PTK2B: variants seen among roughly 807,000 people sequenced by gnomAD.
PTK2B encodes the protein protein tyrosine kinase 2 beta, also known as protein-tyrosine kinase 2-beta.
Under a neutral mutation model 142.9 loss-of-function variants are expected in PTK2B, and 71 were observed. That is an observed-to-expected ratio of 0.50 (90% CI 0.41 to 0.61). The LOEUF (loss-of-function observed/expected upper bound fraction) is 0.61. Ranked by LOEUF, PTK2B falls within the 20% of genes least tolerant of loss-of-function variation. The pLI is 0.00. For synonymous variants in PTK2B, 519 were observed against 503.4 expected, an observed-to-expected ratio of 1.03 and a Z score of -0.42; for missense variants, 1,105 against 1,320.4, an observed-to-expected ratio of 0.84 and a Z score of 2.53.
At position 27,363,344 on chromosome 8, in the gene PTK2B, G is replaced by A. The variant is rs1355842275; in HGVS notation, c.-37-34204G>A. ...TTCCACTAGTGAAAGGTCAGGAGGT[G>A]GAAGTGAGATGGGTTTTGTTCTGTG... is the stretch of plus-strand genomic sequence containing the variant. On this transcript the variant is annotated intron_variant, in intron 1 of 30. Transcript: ENST00000346049. The surrounding 1 kb of genome is among the most constrained non-coding windows in gnomAD (Gnocchi z 4.3). 2.0e-5 allele frequency among the ~76,000 whole-genome samples: 3 copies of A among 152,206 alleles called. No individual in the cohort carries two copies. Among genetic ancestry groups the A allele is most frequent in the Non-Finnish European group, 2.9e-5 (2 of 68,036 alleles).
At chr8:27,377,827 T>G (rs372284701) in intron 1 of PTK2B, among the ~76,000 whole-genome samples, 21 of 152,310 alleles carry the variant, frequency 1.4e-4, no homozygotes, top group African/African-American at 5.1e-4. Flanking sequence ...AGGTAAAGAT[T>G]AGGAGGTGTT....
At chr8:27,352,025 T>G (rs2130536690) in intron 1 of PTK2B, among the ~76,000 whole-genome samples, 1 of 152,288 alleles carries the variant, frequency 6.6e-6, no homozygotes, top group East Asian at 1.9e-4. Flanking sequence ...GGGCTTCACT[T>G]CCTCTGGGCA....
chr8:27,340,386 C>A (rs534861387), intron 1 of PTK2B, among the ~76,000 whole-genome samples: 7 of 152,290 alleles, frequency 4.6e-5, no homozygotes, highest in Middle Eastern at 3.4e-3. Context: ...GTTGAGAGCA[C>A]AGCATATGCA....
At chr8:27,422,864 T>G (rs1809849581) in intron 5 of PTK2B, among the ~76,000 whole-genome samples, 1 of 152,158 alleles carries the variant, frequency 6.6e-6, no homozygotes, top group African/African-American at 2.4e-5. Context: ...GTGACAGATG[T>G]GTATACAATT....
At chr8:27,404,081 C>G (rs950631560) in intron 2 of PTK2B, among the ~76,000 whole-genome samples, 3 of 152,006 alleles carry the variant, frequency 2.0e-5, no homozygotes, top group African/African-American at 7.3e-5. Context: ...CCACAGTGCC[C>G]CTGTCCTGCC....
intron 1 of PTK2B, among the ~76,000 whole-genome samples, chr8:27,376,458 A>G (rs1391596745): frequency 6.6e-6 from 1 of 152,232 alleles, no homozygotes; most frequent in Non-Finnish European, 1.5e-5. Flanking sequence ...TGTCAGAGGC[A>G]TGTGAACCAG....
chr8:27,317,371 A>C (rs1803116829), intron 3 of PTK2B, among the ~76,000 whole-genome samples: 1 of 152,218 alleles, frequency 6.6e-6, no homozygotes, highest in Admixed American at 6.5e-5. Context: ...AAAAGGGAGA[A>C]AATTTTCCAT....
chr8:27,419,448 A>G (rs1331159311), intron 2 of PTK2B, among the ~76,000 whole-genome samples: 1 of 152,208 alleles, frequency 6.6e-6, no homozygotes, highest in East Asian at 1.9e-4. Flanking sequence ...GGATGGTAAC[A>G]CCTGCTTCCC....
rs1216388241 is a variant in PTK2B, at chr8:27,363,399, A to T, written c.-37-34149A>T. Reference sequence around the variant, plus strand: ...TCCATGAGCAGGCCCAGGAAGTTACAGAAAAGTAGATTTGGGATGAATATA... The same window carrying T: ...TCCATGAGCAGGCCCAGGAAGTTACTGAAAAGTAGATTTGGGATGAATATA... On this transcript the variant is annotated intron_variant, in intron 1 of 30. Coordinates refer to ENST00000346049, the MANE Select transcript of PTK2B (RefSeq NM_173176.3). This position sits in a 1 kb window ranked among gnomAD's most constrained non-coding sequence, Gnocchi z 4.3. 6.6e-6 allele frequency among the ~76,000 whole-genome samples: 1 copy of T among 152,198 alleles called. No homozygotes were observed. The highest frequency in any genetic ancestry group is 1.5e-5 in the Non-Finnish European group (1 of 68,036).
intron 1 of PTK2B, among the ~76,000 whole-genome samples, chr8:27,386,310 G>A (rs554106375): frequency 6.1e-4 from 93 of 152,184 alleles, no homozygotes; most frequent in Non-Finnish European, 3.2e-4. Context: ...GGATAGATGC[G>A]GTATGTTTCC....
At chr8:27,314,434 G>T (rs570465726) in intron 3 of PTK2B, among the ~76,000 whole-genome samples, 2 of 152,272 alleles carry the variant, frequency 1.3e-5, no homozygotes, top group African/African-American at 4.8e-5. Context: ...AAATACAACG[G>T]GCGCGTGTGG....
intron 1 of PTK2B, among the ~76,000 whole-genome samples, chr8:27,393,618 G>C (rs1193480577): frequency 6.6e-6 from 1 of 152,154 alleles, no homozygotes; most frequent in African/African-American, 2.4e-5. Context: ...GCCAGGCTGC[G>C]GAATGGGAGG....
intron 1 of PTK2B, among the ~76,000 whole-genome samples, chr8:27,344,196 C>T (rs992422668): frequency 6.6e-6 from 1 of 152,100 alleles, no homozygotes; most frequent in East Asian, 1.9e-4. Context: ...CCCAAGACCT[C>T]CCCTCCCCAG....
intron 28 of PTK2B, chr8:27,453,943 C>T: frequency 1.0e-5 from 6 of 591,290 alleles, no homozygotes; most frequent in Middle Eastern, 4.5e-4. Context: ...GTGAGGCTAC[C>T]ACTAGTATTC....
At chr8:27,320,121 G>GGT (rs1803179278) in intron 3 of PTK2B, among the ~76,000 whole-genome samples, 1 of 152,060 alleles carries the variant, frequency 6.6e-6, no homozygotes, top group Admixed American at 6.5e-5. Context: ...CCTTTTCCTG[G>GGT]GTGGTACCTG....
chr8:27,369,967 A>T (rs1294995210), intron 1 of PTK2B, among the ~76,000 whole-genome samples: 1 of 152,156 alleles, frequency 6.6e-6, no homozygotes, highest in Non-Finnish European at 1.5e-5. Context: ...ACAGAGTGAG[A>T]CTCCATCTCA....
chr8:27,418,546 AC>A (rs1809544047), intron 2 of PTK2B, among the ~76,000 whole-genome samples: 1 of 152,210 alleles, frequency 6.6e-6, no homozygotes, highest in South Asian at 2.1e-4. Flanking sequence ...TTTGACAGCA[AC>A]CTATTATGCA....
At chr8:27,360,779 G>C (rs529414796) in intron 1 of PTK2B, among the ~76,000 whole-genome samples, 24 of 152,202 alleles carry the variant, frequency 1.6e-4, no homozygotes, top group Non-Finnish European at 2.5e-4. Flanking sequence ...TCACTAGCAA[G>C]ATGGGGAGAA....
At chr8:27,409,013 C>G (rs1808893730) in intron 2 of PTK2B, among the ~76,000 whole-genome samples, 1 of 152,202 alleles carries the variant, frequency 6.6e-6, no homozygotes, top group African/African-American at 2.4e-5. Flanking sequence ...ACTCCTTGGC[C>G]TGCAGCTGCA....
Sources: allele counts gnomAD v4.1 joint callset (sites outside exome capture counted in the v4.1 genomes callset), GRCh38; gene constraint gnomAD v4.1.1; non-coding constraint Gnocchi (gnomAD v3.1); transcripts MANE v1.5; gene names NCBI Gene and HGNC (gene_info 2026-07-23, HGNC 2026-07-21).